ST6GALNAC3: variants seen among roughly 807,000 people sequenced by gnomAD.
ST6GALNAC3 encodes the protein alpha-N-acetylgalactosaminide alpha-2,6-sialyltransferase 3.
Under a neutral mutation model 32.7 loss-of-function variants are expected in ST6GALNAC3, and 25 were observed. The ratio of observed to expected loss-of-function variants is 0.76; its 90% confidence interval spans 0.56 to 1.07. The LOEUF (loss-of-function observed/expected upper bound fraction) is 1.07, where lower values mean the gene tolerates loss of function less well. Among genes scored for constraint, ST6GALNAC3 ranks in the 50% least tolerant of loss-of-function variants. The pLI is 0.00. For missense variants in ST6GALNAC3, 355 were observed against 382.4 expected (o/e 0.93, Z 0.60); for synonymous variants, 129 against 133.1 (o/e 0.97, Z 0.21).
intron 3 of ST6GALNAC3, 102 bp downstream of exon 3, chr1:76,412,519 C>A: frequency 8.2e-7 from 1 of 1,221,628 alleles, no homozygotes; most frequent in Non-Finnish European, 1.1e-6. Context: ...TATTTATTTA[C>A]GCTGATTGTT....
intron 1 of ST6GALNAC3, among the ~76,000 whole-genome samples, chr1:76,277,427 G>C (rs937800581): frequency 8.6e-5 from 13 of 151,336 alleles, no homozygotes; most frequent in Admixed American, 8.6e-4. Flanking sequence ...ACTGGGAAAA[G>C]ATAAGTGGAA....
At chr1:76,326,075 T>C (rs1055052155) in intron 2 of ST6GALNAC3, among the ~76,000 whole-genome samples, 5 of 152,144 alleles carry the variant, frequency 3.3e-5, no homozygotes, top group African/African-American at 1.2e-4. Context: ...TGTTTATTCT[T>C]GCTCATGTTT....
At chr1:76,584,813 A>G (rs1360301712) in intron 3 of ST6GALNAC3, among the ~76,000 whole-genome samples, 4 of 152,238 alleles carry the variant, frequency 2.6e-5, no homozygotes, top group South Asian at 2.1e-4. Context: ...TCAAAGGCCA[A>G]TTGACCTATT....
intron 3 of ST6GALNAC3, among the ~76,000 whole-genome samples, chr1:76,473,678 T>C (rs1226587494): frequency 2.0e-5 from 3 of 152,188 alleles, no homozygotes; most frequent in African/African-American, 7.2e-5. Context: ...ATTCCATTAA[T>C]GTAGAAACAT....
At chr1:76,385,358 G>A (rs117524409) in intron 2 of ST6GALNAC3, among the ~76,000 whole-genome samples, 2 of 152,152 alleles carry the variant, frequency 1.3e-5, no homozygotes, top group East Asian at 3.9e-4. Context: ...TCTCAAATCT[G>A]ATTTCTTTCC....
chr1:76,474,059 C>T (rs1005525133), intron 3 of ST6GALNAC3, among the ~76,000 whole-genome samples: 40 of 152,220 alleles, frequency 2.6e-4, no homozygotes, highest in African/African-American at 8.9e-4. Context: ...ACAGCATCAA[C>T]GAGTTCAATC....
chr1:76,542,003 T>C (rs982754278), intron 3 of ST6GALNAC3, among the ~76,000 whole-genome samples: 2 of 152,218 alleles, frequency 1.3e-5, no homozygotes, highest in African/African-American at 2.4e-5. Context: ...TAGATTTTAC[T>C]GCTGTTTGCT....
intron 1 of ST6GALNAC3, among the ~76,000 whole-genome samples, chr1:76,176,973 G>A (rs942317807): frequency 6.6e-6 from 1 of 152,180 alleles, no homozygotes; most frequent in Admixed American, 6.5e-5. Flanking sequence ...TCCTCAGGAG[G>A]CTGTGGTGGG....
chr1:76,489,040 G>C (rs1312457508), intron 3 of ST6GALNAC3, among the ~76,000 whole-genome samples: 1 of 152,146 alleles, frequency 6.6e-6, no homozygotes. Context: ...AGTAAGATAT[G>C]TGAAGACAGG....
rs750967620 is a variant in ST6GALNAC3, at chr1:76,074,823, C to T, written c.-44C>T. The T allele has an allele frequency of 1.3e-6, 2 of 1,565,164 alleles. No homozygotes were observed. Among genetic ancestry groups the T allele is most frequent in the South Asian group, 1.2e-5 (1 of 84,984 alleles). ...CCTGCCCCCAGGACTGCCCCTGACC[C>T]AGGCGCGCCCGCTGCTCGGTGGCAG... On this transcript the variant is annotated 5_prime_UTR_variant, in exon 1 of 5. Coordinates refer to ENST00000328299, the MANE Select transcript of ST6GALNAC3 (RefSeq NM_152996.4).
chr1:76,082,998 T>C (rs1269078139), intron 1 of ST6GALNAC3, among the ~76,000 whole-genome samples: 1 of 152,184 alleles, frequency 6.6e-6, no homozygotes, highest in Non-Finnish European at 1.5e-5. Context: ...GTAAAATCCT[T>C]TTCTGGAAGG....
At chr1:76,243,453 T>G (rs1238860335) in intron 1 of ST6GALNAC3, among the ~76,000 whole-genome samples, 1 of 152,194 alleles carries the variant, frequency 6.6e-6, no homozygotes, top group Non-Finnish European at 1.5e-5. Context: ...GCTCTTTAGT[T>G]TAATTAGATC....
chr1:76,578,744 C>T (rs1410942393), intron 3 of ST6GALNAC3, among the ~76,000 whole-genome samples: 6 of 151,936 alleles, frequency 3.9e-5, no homozygotes, highest in Admixed American at 1.3e-4. Flanking sequence ...CCTACCCATG[C>T]CACCAGGATC....
intron 1 of ST6GALNAC3, among the ~76,000 whole-genome samples, chr1:76,228,611 G>A (rs1656201260): frequency 6.6e-6 from 1 of 152,134 alleles, no homozygotes; most frequent in African/African-American, 2.4e-5. Flanking sequence ...GGGTCTCAGA[G>A]CTCTAGAGGA....
intron 3 of ST6GALNAC3, among the ~76,000 whole-genome samples, chr1:76,535,106 G>A (rs1489233879): frequency 6.6e-6 from 1 of 152,114 alleles, no homozygotes; most frequent in Non-Finnish European, 1.5e-5. Context: ...TAGGGCATGG[G>A]ATACACAGGG....
At chr1:76,179,774 T>G (rs1570331674) in intron 1 of ST6GALNAC3, among the ~76,000 whole-genome samples, 1 of 152,198 alleles carries the variant, frequency 6.6e-6, no homozygotes, top group African/African-American at 2.4e-5. Context: ...TGGCCATAAT[T>G]TCCTCCTTTA....
At chr1:76,191,583 A>G (rs1653899939) in intron 1 of ST6GALNAC3, among the ~76,000 whole-genome samples, 1 of 152,242 alleles carries the variant, frequency 6.6e-6, no homozygotes, top group African/African-American at 2.4e-5. Flanking sequence ...CATGCTAAAT[A>G]CCATGATTTG....
intron 3 of ST6GALNAC3, among the ~76,000 whole-genome samples, chr1:76,627,181 G>A (rs577035643): frequency 6.6e-6 from 1 of 152,030 alleles, no homozygotes; most frequent in Admixed American, 6.6e-5. Flanking sequence ...AAGATTATTT[G>A]ACTTCAGATA....
intron 3 of ST6GALNAC3, among the ~76,000 whole-genome samples, chr1:76,620,542 G>A (rs903585687): frequency 1.3e-5 from 2 of 152,078 alleles, no homozygotes; most frequent in Non-Finnish European, 2.9e-5. Flanking sequence ...CTCTCTTCCT[G>A]TCTTGTAGAT....
Sources: gnomAD v4.1 joint callset for allele counts (sites outside exome capture counted in the v4.1 genomes callset) on GRCh38, gnomAD v4.1.1 for gene constraint, MANE v1.5 for transcripts, NCBI Gene and HGNC (gene_info 2026-07-23, HGNC 2026-07-21) for gene names.